GADL1: variants seen among roughly 807,000 people sequenced by gnomAD.
The protein encoded by GADL1 is GAD like acidic amino acid decarboxylase 1.
In GADL1, 71 loss-of-function variants were observed where a neutral mutation model predicts 69.5. The ratio of observed to expected loss-of-function variants is 1.02; its 90% CI spans 0.84 to 1.25. The LOEUF (loss-of-function observed/expected upper bound fraction) is 1.25. Among genes scored for constraint, GADL1 ranks in the 50% most tolerant of loss-of-function variants. GADL1 has a pLI of 0.00. For synonymous variants in GADL1, 254 were observed against 214.4 expected (o/e 1.18, Z -1.62); for missense variants, 737 against 631.8 (o/e 1.17, Z -1.79).
intron 14 of GADL1, among the ~76,000 whole-genome samples, chr3:30,776,021 G>C (rs1004630456): frequency 1.3e-5 from 2 of 152,144 alleles, no homozygotes; most frequent in African/African-American, 4.8e-5. Flanking sequence ...GAGAGGCGGA[G>C]GTTGCAGTGA....
At chr3:30,875,213 G>T (rs200646074) in intron 1 of GADL1, among the ~76,000 whole-genome samples, 3 of 108,114 alleles carry the variant, frequency 2.8e-5, no homozygotes, top group African/African-American at 9.8e-5. Flanking sequence ...AGGATATAGA[G>T]AAAAAAAAAA....
chr3:30,769,925 T>G (rs901767424), intron 14 of GADL1, among the ~76,000 whole-genome samples: 1 of 44,800 alleles, frequency 2.2e-5, no homozygotes, highest in African/African-American at 2.4e-4. Context: ...AATCAAGGAC[T>G]GACGAATTTA....
intron 11 of GADL1, among the ~76,000 whole-genome samples, chr3:30,805,043 C>A (rs1053753736): frequency 6.6e-6 from 1 of 152,164 alleles, no homozygotes; most frequent in Admixed American, 6.5e-5. Context: ...ACAACTTTTA[C>A]TTTCCCTCTT....
rs1323876274 is a variant in GADL1 at position 30,894,596 on chromosome 3, G to T, written c.19C>A (p.Arg7Ser). The T allele has an allele frequency of 1.3e-6, 2 of 1,550,958 alleles. No individual in the cohort carries two copies. Among genetic ancestry groups the T allele is most frequent in the Admixed American group, 3.9e-5 (2 of 50,992 alleles). Residue 7 changes from arginine (R) to serine (S), a missense_variant, in exon 1 of 15, where the codon CGC (arginine) becomes AGC (serine). By Grantham distance (110) the Arg-to-Ser change is moderately radical. Transcript: ENST00000282538. The part of the protein sequence containing the change: MSSDSD[R>S]QCPVDGDIDQ... ...TCGTTACCGTCCACAGGACACTGGC[G>T]GTCCGAGTCGCTGCTCATCTCCGCT...
intron 4 of GADL1, among the ~76,000 whole-genome samples, chr3:30,853,632 C>T (rs1698183736): frequency 6.6e-6 from 1 of 152,154 alleles, no homozygotes; most frequent in African/African-American, 2.4e-5. Flanking sequence ...TCTCCCAGTG[C>T]TTATTTCTAT....
At chr3:30,806,859 C>CTT (rs1015929330) in intron 11 of GADL1, among the ~76,000 whole-genome samples, 130 of 152,308 alleles carry the variant, frequency 8.5e-4, no homozygotes, top group African/African-American at 3.1e-3. Flanking sequence ...CACCACGCAT[C>CTT]TTAAATGCCA....
intron 14 of GADL1, among the ~76,000 whole-genome samples, chr3:30,775,996 G>T (rs1056781118): frequency 6.6e-6 from 1 of 152,066 alleles, no homozygotes; most frequent in Admixed American, 6.5e-5. Flanking sequence ...AGGGATGTGG[G>T]AATCGCTTGA....
chr3:30,820,229 T>C (rs1697547470), intron 11 of GADL1, among the ~76,000 whole-genome samples: 1 of 151,980 alleles, frequency 6.6e-6, no homozygotes, highest in African/African-American at 2.4e-5. Flanking sequence ...TATTTGATAA[T>C]AGAAAGGTAT....
intron 11 of GADL1, among the ~76,000 whole-genome samples, chr3:30,806,835 T>C (rs755717092): frequency 2.7e-4 from 41 of 152,204 alleles, no homozygotes; most frequent in Admixed American, 7.9e-4. Flanking sequence ...GCTAGAAATC[T>C]AGAGTAGCCA....
chr3:30,822,474 C>T (rs2125518248), intron 11 of GADL1, among the ~76,000 whole-genome samples: 1 of 152,038 alleles, frequency 6.6e-6, no homozygotes, highest in African/African-American at 2.4e-5. Context: ...CCCAAGGAGC[C>T]TCTGTTTTTT....
intron 1 of GADL1, among the ~76,000 whole-genome samples, chr3:30,889,436 C>T (rs112331769): frequency 0.016 from 2,476 of 152,248 alleles, 32 homozygotes; most frequent in Non-Finnish European, 0.029. Flanking sequence ...CTCAAGCACA[C>T]GTGCAAAACA....
intron 13 of GADL1, among the ~76,000 whole-genome samples, chr3:30,779,768 T>G (rs1439302514): frequency 6.6e-6 from 1 of 152,230 alleles, no homozygotes; most frequent in African/African-American, 2.4e-5. Context: ...ATCAATTTAT[T>G]GCCTCTCAGC....
At chr3:30,732,413 T>C (rs1442986470) in intron 14 of GADL1, among the ~76,000 whole-genome samples, 1 of 152,198 alleles carries the variant, frequency 6.6e-6, no homozygotes, top group Non-Finnish European at 1.5e-5. Flanking sequence ...AGGAAGATTC[T>C]GACATTTCTA....
At chr3:30,893,598 C>T (rs531781027) in intron 1 of GADL1, among the ~76,000 whole-genome samples, 135 of 151,860 alleles carry the variant, frequency 8.9e-4, no homozygotes, top group African/African-American at 3.1e-3. Flanking sequence ...TTTTATTATG[C>T]CATATATAAA....
intron 13 of GADL1, among the ~76,000 whole-genome samples, chr3:30,779,610 T>C (rs1421479173): frequency 2.0e-5 from 3 of 152,190 alleles, no homozygotes; most frequent in East Asian, 1.9e-4. Context: ...CCTAATATAA[T>C]AGATTTATCT....
chr3:30,763,315 G>A (rs1222764693), intron 14 of GADL1, among the ~76,000 whole-genome samples: 2 of 151,914 alleles, frequency 1.3e-5, no homozygotes, highest in African/African-American at 2.4e-5. Flanking sequence ...TGGCTAACAC[G>A]GTGAAACCCC....
At chr3:30,855,671 A>C (rs1364548054) in intron 3 of GADL1, among the ~76,000 whole-genome samples, 1 of 151,968 alleles carries the variant, frequency 6.6e-6, no homozygotes, top group African/African-American at 2.4e-5. Context: ...GTGAATAATC[A>C]CACCATACAC....
chr3:30,727,929 T>C lies in GADL1; in HGVS notation c.*313A>G, dbSNP rs1282156354. ...TTAAACCGTTAGTTTATAAGTTCTT[T>C]AAAGAGCAATGTAAGCTTAGAATCC... On this transcript the variant is annotated 3_prime_UTR_variant, in exon 15 of 15. Coordinates refer to ENST00000282538, the MANE Select transcript of GADL1 (RefSeq NM_207359.3). 5.1e-6 allele frequency: 1 copy of C among 194,246 alleles called. No homozygotes were observed. Among genetic ancestry groups the C allele is most frequent in the East Asian group, 1.2e-4 (1 of 8,268 alleles). The allele number at this position is 194,246 out of a possible 1,614,324, so 12.0% of individuals were successfully genotyped here.
intron 14 of GADL1, among the ~76,000 whole-genome samples, chr3:30,762,259 G>A (rs1179414652): frequency 2.0e-5 from 3 of 152,242 alleles, no homozygotes; most frequent in African/African-American, 7.2e-5. Flanking sequence ...GAAGGTTCAT[G>A]GCAGTAATCT....
Sources: allele counts gnomAD v4.1 joint callset (sites outside exome capture counted in the v4.1 genomes callset), GRCh38; gene constraint gnomAD v4.1.1; transcripts MANE v1.5; gene names NCBI Gene and HGNC (gene_info 2026-07-23, HGNC 2026-07-21).